Variants in GALNT1 observed in about 807,000 individuals in gnomAD.
GALNT1 encodes the protein polypeptide N-acetylgalactosaminyltransferase 1.
A neutral mutation model predicts 65.7 loss-of-function variants in GALNT1; 17 were observed. That is an observed-to-expected ratio of 0.26 (90% confidence interval 0.18 to 0.39). The LOEUF (loss-of-function observed/expected upper bound fraction) is 0.39, where lower values mean the gene tolerates loss of function less well. Ranked by LOEUF, GALNT1 falls within the 10% of genes least tolerant of loss-of-function variation. The pLI is 1.00. For missense variants in GALNT1, 460 were observed against 672.8 expected (o/e 0.68, Z 3.50); for synonymous variants, 210 against 219.7 (o/e 0.96, Z 0.39).
intron 1 of GALNT1, among the ~76,000 whole-genome samples, chr18:35,616,524 T>C (rs1054171257): frequency 6.6e-6 from 1 of 152,212 alleles, no homozygotes; most frequent in South Asian, 2.1e-4. Flanking sequence ...GTGTTTTTTT[T>C]ATCTGACCTG....
chr18:35,583,743 AGTTACAGGCAAG>A (rs1348362770), intron 1 of GALNT1, among the ~76,000 whole-genome samples: 1 of 152,188 alleles, frequency 6.6e-6, no homozygotes, highest in African/African-American at 2.4e-5. Flanking sequence ...AATCCCAAGC[AGTTACAGGCAAG>A]GTAATTCTCA....
chr18:35,590,798 G>A (rs1435741319), intron 1 of GALNT1, among the ~76,000 whole-genome samples: 2 of 152,132 alleles, frequency 1.3e-5, no homozygotes, highest in South Asian at 2.1e-4. Flanking sequence ...GTAAAAAAAG[G>A]TAGGAAGGCA....
At chr18:35,632,714 C>G (rs1354153459) in intron 1 of GALNT1, among the ~76,000 whole-genome samples, 4 of 152,142 alleles carry the variant, frequency 2.6e-5, no homozygotes, top group Admixed American at 6.5e-5. Context: ...TCTCATTAAA[C>G]TAAAGAGCTT....
At chr18:35,588,699 G>C (rs1224634937) in intron 1 of GALNT1, among the ~76,000 whole-genome samples, 1 of 151,746 alleles carries the variant, frequency 6.6e-6, no homozygotes, top group African/African-American at 2.4e-5. Flanking sequence ...CTCCCTTTCT[G>C]CTGCTGAGTC....
chr18:35,703,666 G>A, intron 11 of GALNT1, 23 bp downstream of exon 11: 1 of 1,610,212 alleles, frequency 6.2e-7, no homozygotes, highest in South Asian at 1.1e-5. Flanking sequence ...GTTGCCTATA[G>A]TAATAAAATT....
intron 1 of GALNT1, among the ~76,000 whole-genome samples, chr18:35,611,059 T>TG (rs2046709858): frequency 6.6e-6 from 1 of 151,960 alleles, no homozygotes; most frequent in Non-Finnish European, 1.5e-5. Flanking sequence ...TTGGATAGGG[T>TG]GGGGGTCTTT....
At chr18:35,590,861 G>T (rs1482090525) in intron 1 of GALNT1, among the ~76,000 whole-genome samples, 1 of 152,200 alleles carries the variant, frequency 6.6e-6, no homozygotes, top group African/African-American at 2.4e-5. Flanking sequence ...TCCATATTGT[G>T]TTCGTATTAG....
At chr18:35,652,926 T>C (rs996632498) in intron 1 of GALNT1, among the ~76,000 whole-genome samples, 7 of 152,232 alleles carry the variant, frequency 4.6e-5, no homozygotes, top group African/African-American at 1.7e-4. Flanking sequence ...GAAATTCAGA[T>C]GTTGCACCAG....
chr18:35,690,137 A>ATGTATT (rs2047935586), intron 7 of GALNT1, among the ~76,000 whole-genome samples: 1 of 152,232 alleles, frequency 6.6e-6, no homozygotes, highest in African/African-American at 2.4e-5. Flanking sequence ...GGTGGGGGGA[A>ATGTATT]TGTATTTTGA....
chr18:35,647,757 AGTTACTATC>A (rs1568023370), intron 1 of GALNT1, among the ~76,000 whole-genome samples: 1 of 152,162 alleles, frequency 6.6e-6, no homozygotes, highest in Non-Finnish European at 1.5e-5. Flanking sequence ...TTTCTCAGAA[AGTTACTATC>A]CAGCTGAGAT....
intron 1 of GALNT1, among the ~76,000 whole-genome samples, chr18:35,621,143 C>A (rs1376224818): frequency 1.3e-5 from 2 of 151,540 alleles, no homozygotes; most frequent in Admixed American, 1.3e-4. Flanking sequence ...ATATCTTTGG[C>A]CATTTTTCAA....
At chr18:35,662,180 CTTG>C (rs1266957402) in intron 2 of GALNT1, among the ~76,000 whole-genome samples, 1 of 152,154 alleles carries the variant, frequency 6.6e-6, no homozygotes, top group Non-Finnish European at 1.5e-5. Context: ...TTTTACTACA[CTTG>C]TTGATGATTT....
chr18:35,633,608 A>G (rs767674367), intron 1 of GALNT1, among the ~76,000 whole-genome samples: 1 of 152,098 alleles, frequency 6.6e-6, no homozygotes, highest in Non-Finnish European at 1.5e-5. Context: ...ATGAGTTAAT[A>G]GGTGCAGCAC....
intron 1 of GALNT1, among the ~76,000 whole-genome samples, chr18:35,604,730 G>A (rs1025526336): frequency 6.6e-6 from 1 of 152,136 alleles, no homozygotes; most frequent in African/African-American, 2.4e-5. Flanking sequence ...AGAAGTGTCT[G>A]TTCATGTTCC....
chr18:35,636,498 G>C (rs79954876), intron 1 of GALNT1, among the ~76,000 whole-genome samples: 14 of 152,158 alleles, frequency 9.2e-5, no homozygotes, highest in African/African-American at 2.9e-4. Flanking sequence ...CATAAAACCT[G>C]TTCAGAAACT....
At chr18:35,640,174 C>CT (rs1393801234) in intron 1 of GALNT1, among the ~76,000 whole-genome samples, 5 of 152,148 alleles carry the variant, frequency 3.3e-5, no homozygotes, top group African/African-American at 9.7e-5. Flanking sequence ...CTACTACATT[C>CT]TTTTTTTGCC....
Position 35,709,885 on chromosome 18 carries a change from T to C in GALNT1, c.*115T>C. The C allele has an allele frequency of 8.2e-7, 1 of 1,221,742 alleles. No homozygotes were observed. The highest frequency in any genetic ancestry group is 1.1e-6 in the Non-Finnish European group (1 of 886,388). 75.7% of individuals were successfully genotyped at this position (1,221,742 alleles called of 1,614,324 possible). On this transcript the variant is annotated 3_prime_UTR_variant, in exon 12 of 12. Coordinates refer to ENST00000269195, the MANE Select transcript of GALNT1 (RefSeq NM_020474.4). ...AAAAGTGCTTTCCTCCTCTGCAGGA[T>C]GTAAGGTTTATCAGCCATTAAAACT...
intron 2 of GALNT1, 38 bp downstream of exon 2, chr18:35,654,839 A>G (rs756901741): frequency 3.4e-5 from 49 of 1,428,308 alleles, no homozygotes; most frequent in Middle Eastern, 3.7e-4. Context: ...TTTAACTACT[A>G]TATCACTGGT....
intron 9 of GALNT1, among the ~76,000 whole-genome samples, chr18:35,699,372 C>T (rs1041464170): frequency 1.3e-5 from 2 of 152,134 alleles, no homozygotes; most frequent in Admixed American, 1.3e-4. Context: ...TTTAAGGGTT[C>T]CTGATAATTT....
Sources: allele counts gnomAD v4.1 joint callset (sites outside exome capture counted in the v4.1 genomes callset), GRCh38; gene constraint gnomAD v4.1.1; transcripts MANE v1.5; gene names NCBI Gene and HGNC (gene_info 2026-07-23, HGNC 2026-07-21).